Variants in PRKN observed in about 807,000 individuals in gnomAD.
PRKN encodes the protein E3 ubiquitin-protein ligase parkin.
PRKN carries 56 observed loss-of-function variants against 59.5 expected under a neutral mutation model. The ratio of observed to expected loss-of-function variants is 0.94; its 90% CI spans 0.76 to 1.18. PRKN has a LOEUF of 1.18. PRKN is among the 50% of genes most tolerant of loss of function. The pLI, the probability that PRKN is intolerant of heterozygous loss-of-function variation, is 0.00. For missense variants in PRKN, 657 were observed against 596.4 expected (o/e 1.10, Z -1.06); for synonymous variants, 250 against 222.1 (o/e 1.13, Z -1.12).
intron 4 of PRKN, among the ~76,000 whole-genome samples, chr6:162,174,074 A>G (rs1783418852): frequency 6.6e-6 from 1 of 152,230 alleles, no homozygotes; most frequent in Non-Finnish European, 1.5e-5. Flanking sequence ...AGGAAGGAAT[A>G]AAATGTAATG....
At chr6:161,925,587 T>G (rs1778941183) in intron 6 of PRKN, among the ~76,000 whole-genome samples, 1 of 152,198 alleles carries the variant, frequency 6.6e-6, no homozygotes, top group African/African-American at 2.4e-5. Flanking sequence ...AAAAAAAATG[T>G]CTTTAGAAAC....
Position 162,079,871 on chromosome 6 carries a change from T to C in PRKN, c.535-25697A>G, listed in dbSNP as rs191367180. Among the ~76,000 whole-genome samples, 6 of 152,276 alleles carry C rather than the reference T, an allele frequency of 3.9e-5. No homozygotes were observed. In the East Asian group the frequency reaches 5.8e-4, roughly 15 times the overall value. On this transcript the variant is annotated intron_variant, in intron 4 of 11. Coordinates refer to ENST00000366898, the MANE Select transcript of PRKN (RefSeq NM_004562.3). ...ATGAGAGTAATGCATTTACAGTTAG[T>C]ATAATGCTGCATTTAGGTTATGTTT...
chr6:162,355,350 G>A (rs1784806956), intron 2 of PRKN, among the ~76,000 whole-genome samples: 1 of 150,742 alleles, frequency 6.6e-6, no homozygotes, highest in African/African-American at 2.5e-5. Context: ...TAAAAGGCAA[G>A]ATATGAGAAC....
intron 5 of PRKN, among the ~76,000 whole-genome samples, chr6:162,003,507 TG>T (rs1458658462): frequency 6.6e-6 from 1 of 152,142 alleles, no homozygotes; most frequent in Non-Finnish European, 1.5e-5. Flanking sequence ...AAGGTTTAGG[TG>T]GTAGACATAT....
Position 162,423,847 on chromosome 6 carries a change from C to G in PRKN, c.171+19463G>C, listed in dbSNP as rs564457584. Among the ~76,000 whole-genome samples, 9 of 151,994 alleles carry G rather than the reference C, an allele frequency of 5.9e-5. No homozygotes were observed. The South Asian group carries it at 1.5e-3, about 25-fold the overall frequency. On this transcript the variant is annotated intron_variant, in intron 2 of 11. Transcript: ENST00000366898. ...CTACCCACTGGATAAAAATAACCACCCTGAGTGTTTAGATGAATGCCTAAT... is the reference window on the plus strand; with the variant it reads ...CTACCCACTGGATAAAAATAACCACGCTGAGTGTTTAGATGAATGCCTAAT...
chr6:161,575,312 C>T lies in PRKN; in HGVS notation c.872-5896G>A, dbSNP rs1781088137. Among the ~76,000 whole-genome samples, 1 of 152,282 alleles carries T rather than the reference C, an allele frequency of 6.6e-6. No homozygotes were observed. Among genetic ancestry groups the T allele is most frequent in the East Asian group, 1.9e-4 (1 of 5,186 alleles). On this transcript the variant is annotated intron_variant, in intron 7 of 11. Transcript: ENST00000366898. This position sits in a 1 kb window ranked among gnomAD's most constrained non-coding sequence, Gnocchi z 4.6. ...TATACCATAAAGGTCATTTTATCAT[C>T]TAACGGGGAAGCTCCTCAATGAAAA... is the stretch of plus-strand genomic sequence containing the variant.
chr6:161,930,047 T>G (rs1312181330), intron 6 of PRKN, among the ~76,000 whole-genome samples: 2 of 152,230 alleles, frequency 1.3e-5, no homozygotes, highest in East Asian at 3.9e-4. Context: ...TGAATTTACC[T>G]GAAGCCAGCA....
chr6:161,863,325 T>TAA (rs34638710), intron 6 of PRKN, among the ~76,000 whole-genome samples: 35,413 of 147,318 alleles, frequency 0.24, 5,155 homozygotes, highest in Non-Finnish European at 0.32. Flanking sequence ...TTGGATTTAT[T>TAA]AAAAAAAAAA....
intron 2 of PRKN, among the ~76,000 whole-genome samples, chr6:162,394,818 G>A (rs1320326825): frequency 1.3e-5 from 2 of 152,188 alleles, no homozygotes; most frequent in Admixed American, 1.3e-4. Flanking sequence ...GCCTATAGAT[G>A]TTACTGTGGT....
At position 161,541,063 on chromosome 6, in the gene PRKN, C is replaced by T. The variant is rs147932729; in HGVS notation, c.1083+7791G>A. ...GCTCAAAGTGCTTGTGTTGAAAACA[C>T]AGGAAACCTGAGTTTGCAAATGTTA... is the stretch of plus-strand genomic sequence containing the variant. On this transcript the variant is annotated intron_variant, in intron 9 of 11. Coordinates refer to ENST00000366898, the MANE Select transcript of PRKN (RefSeq NM_004562.3). Among the ~76,000 whole-genome samples the T allele has an allele frequency of 2.0e-4, 30 of 152,326 alleles. 1 individual carries two copies. The highest frequency in any genetic ancestry group is 7.0e-4 in the African/African-American group (29 of 41,562).
chr6:162,150,097 C>T (rs1285333114), intron 4 of PRKN, among the ~76,000 whole-genome samples: 3 of 152,246 alleles, frequency 2.0e-5, no homozygotes, highest in African/African-American at 2.4e-5. Flanking sequence ...GACCTCATTT[C>T]GTAGTAATAT....
At chr6:162,076,690 C>T (rs1778842843) in intron 4 of PRKN, among the ~76,000 whole-genome samples, 1 of 152,100 alleles carries the variant, frequency 6.6e-6, no homozygotes, top group Non-Finnish European at 1.5e-5. Context: ...AAGTTTCTCA[C>T]AGGTTTCCGC....
intron 4 of PRKN, among the ~76,000 whole-genome samples, chr6:162,099,933 C>T (rs951726956): frequency 1.8e-4 from 27 of 152,198 alleles, no homozygotes; most frequent in African/African-American, 6.5e-4. Context: ...CACACACAGC[C>T]CCAACTTCCA....
intron 2 of PRKN, among the ~76,000 whole-genome samples, chr6:162,266,116 A>C (rs1056396263): frequency 6.6e-6 from 1 of 152,080 alleles, no homozygotes; most frequent in Non-Finnish European, 1.5e-5. Flanking sequence ...TTAGCACCCT[A>C]GCCTATCTTG....
At chr6:162,482,975 C>T (rs987585619) in intron 1 of PRKN, among the ~76,000 whole-genome samples, 2 of 152,118 alleles carry the variant, frequency 1.3e-5, no homozygotes, top group East Asian at 1.9e-4. Context: ...CAACTTTTGA[C>T]GGATGTGTAA....
At chr6:161,649,987 G>T (rs994390190) in intron 7 of PRKN, among the ~76,000 whole-genome samples, 5 of 152,180 alleles carry the variant, frequency 3.3e-5, no homozygotes, top group Admixed American at 2.6e-4. Context: ...CACATGGAAG[G>T]GTCGCTGCAG....
intron 7 of PRKN, among the ~76,000 whole-genome samples, chr6:161,760,374 A>G (rs1335687160): frequency 6.6e-6 from 1 of 151,144 alleles, no homozygotes; most frequent in African/African-American, 2.4e-5. Context: ...TGTATTACAT[A>G]TAAGTAAAAC....
chr6:162,384,330 G>C (rs1786665947), intron 2 of PRKN, among the ~76,000 whole-genome samples: 1 of 152,076 alleles, frequency 6.6e-6, no homozygotes, highest in Non-Finnish European at 1.5e-5. Flanking sequence ...ATTATTAGCT[G>C]GCCTGATTTC....
intron 7 of PRKN, among the ~76,000 whole-genome samples, chr6:161,738,134 C>A (rs1788041828): frequency 6.6e-6 from 1 of 152,118 alleles, no homozygotes; most frequent in Admixed American, 6.5e-5. Flanking sequence ...ATTTCCTCTT[C>A]TTTATTTTAC....
Sources: gnomAD v4.1 joint callset for allele counts (sites outside exome capture counted in the v4.1 genomes callset) on GRCh38, gnomAD v4.1.1 for gene constraint, Gnocchi (gnomAD v3.1) non-coding constraint, MANE v1.5 for transcripts, NCBI Gene and HGNC (gene_info 2026-07-23, HGNC 2026-07-21) for gene names.